The following CARD14 variants were observed in gnomAD, a reference collection of about 807,000 sequenced individuals.
CARD14 encodes the protein caspase recruitment domain-containing protein 14.
Under a neutral mutation model 111.5 loss-of-function variants are expected in CARD14, and 107 were observed. The ratio of observed to expected loss-of-function variants is 0.96; its 90% CI spans 0.82 to 1.13. The LOEUF (loss-of-function observed/expected upper bound fraction) is 1.13. CARD14 is among the 50% of genes most tolerant of loss of function. The pLI is 0.00. For missense variants in CARD14, 1,322 were observed against 1,362.3 expected (o/e 0.97, Z 0.47); for synonymous variants, 617 against 579.6 (o/e 1.06, Z -0.93).
At chr17:80,170,537 A>G (rs2039870554) in intron 1 of CARD14, 1 of 151,978 alleles carries the variant, frequency 6.6e-6, no homozygotes, top group Non-Finnish European at 1.5e-5. Flanking sequence ...CCCATGGGGT[A>G]TGTACATGTG....
At position 80,182,106 on chromosome 17, in the gene CARD14, T is replaced by C. The variant is rs1399361043; in HGVS notation, c.211+457T>C. Among the ~76,000 whole-genome samples the C allele has an allele frequency of 6.6e-6, 1 of 152,238 alleles. No homozygotes were observed. The highest frequency in any genetic ancestry group is 6.5e-5 in the Admixed American group (1 of 15,290). ...GTAGCTGTCAACATGATAATGTTCA[T>C]GCATGTTGGCGTACGAACCCCAAAC... On this transcript the variant is annotated intron_variant, in intron 5 of 23. Coordinates refer to ENST00000648509, the MANE Select transcript of CARD14 (RefSeq NM_001366385.1). This position sits in a 1 kb window ranked among gnomAD's most constrained non-coding sequence, Gnocchi z 4.7.
chr17:80,201,311 G>A lies in CARD14; in HGVS notation c.1852-433G>A, dbSNP rs141566525. On this transcript the variant is annotated intron_variant, in intron 16 of 23. Transcript: ENST00000648509. The surrounding 1 kb of genome is among the most constrained non-coding windows in gnomAD (Gnocchi z 5.0). ...GCTGTGGGTGGAGAGCCAGGGCATC[G>A]GGTAGGTGAAGGCCAGGGATGCCAC... The A allele has an allele frequency of 1.8e-3, 304 of 169,464 alleles. 2 individuals carry two copies. Among genetic ancestry groups the A allele is most frequent in the African/African-American group, 6.8e-3 (282 of 41,592 alleles). The allele number at this position is 169,464 out of a possible 1,614,324, so 10.5% of individuals were successfully genotyped here.
chr17:80,204,980 G>A (rs1362582399), intron 20 of CARD14, 55 bp from the exon 21 acceptor site: 1 of 1,450,110 alleles, frequency 6.9e-7, no homozygotes, highest in Non-Finnish European at 9.2e-7. Flanking sequence ...GGGCAGGGTA[G>A]GCTGGCTGGG....
At chr17:80,192,696 G>T in intron 12 of CARD14, 77 bp downstream of exon 12, 1 of 983,662 alleles carries the variant, frequency 1.0e-6, no homozygotes, top group South Asian at 1.4e-5. Flanking sequence ...CAGGACGAAA[G>T]TGAGCCTCCT....
rs1399814000 is a variant in CARD14, at chr17:80,203,764, C to G, written c.2220-58C>G. The stretch of plus-strand genomic sequence containing the variant: ...CCCACTCTCCCCTGCTCGGCTCTCC[C>G]CTGCCCTGCTCACCTGGCAGGAGGC... On this transcript the variant is annotated intron_variant, in intron 18 of 23. Coordinates refer to ENST00000648509, the MANE Select transcript of CARD14 (RefSeq NM_001366385.1). This position sits in a 1 kb window ranked among gnomAD's most constrained non-coding sequence, Gnocchi z 4.6. 4.4e-5 allele frequency: 63 copies of G among 1,425,122 alleles called. No individual in the cohort carries two copies. Among genetic ancestry groups the G allele is most frequent in the Non-Finnish European group, 5.7e-5 (59 of 1,035,004 alleles). The allele number at this position is 1,425,122 out of a possible 1,614,324, so 88.3% of individuals were successfully genotyped here.
intron 4 of CARD14, among the ~76,000 whole-genome samples, chr17:80,180,529 C>T (rs1426503598): frequency 6.6e-6 from 1 of 152,200 alleles, no homozygotes; most frequent in Non-Finnish European, 1.5e-5. Flanking sequence ...CTGTCCTGGG[C>T]CGCTGCAAAC....
At position 80,203,905 on chromosome 17, in the gene CARD14, C is replaced by T; in HGVS notation, c.2283+20C>T. 6.3e-7 allele frequency: 1 copy of T among 1,580,156 alleles called. No individual in the cohort carries two copies. The highest frequency in any genetic ancestry group is 8.6e-7 in the Non-Finnish European group (1 of 1,162,496). ...CGCAAGGTGAGGCTCCAGGGAGGGG[C>T]CTGGACCCCACTGGGGTGGGCTGGA... On this transcript the variant is annotated intron_variant, in intron 19 of 23. Coordinates refer to ENST00000648509, the MANE Select transcript of CARD14 (RefSeq NM_001366385.1). This position sits in a 1 kb window ranked among gnomAD's most constrained non-coding sequence, Gnocchi z 4.6.
rs144207494 is a variant in CARD14 at position 80,189,869 on chromosome 17, G to T, written c.960G>T (p.Glu320Asp). Residue 320 changes from glutamate to aspartate, a missense_variant, in exon 9 of 24, where the codon GAG becomes GAT. Coordinates refer to ENST00000648509, the MANE Select transcript of CARD14 (RefSeq NM_001366385.1). The surrounding 1 kb of genome is among the most constrained non-coding windows in gnomAD (Gnocchi z 4.7). ...CCGTGGCTGCCGAGAGGCAGCGAGA[G>T]CAGGTGCCGTGTGAGCCCTTCCTCC... ...ERAVAAERQR[E>D]QYWEEKEQTL... 2 of 1,595,818 alleles carry T rather than the reference G, an allele frequency of 1.3e-6. No individual in the cohort carries two copies. The highest frequency in any genetic ancestry group is 8.5e-7 in the Non-Finnish European group (1 of 1,172,940).
At position 80,208,117 on chromosome 17, in the gene CARD14, C is replaced by T. The variant is rs772367503; in HGVS notation, c.2808-21C>T. The stretch of plus-strand genomic sequence containing the variant: ...CCTTGCTCTCCCCTGAGCCCGCCCC[C>T]CCCAACTCTGGCCTGTGCAGGAAGG... On this transcript the variant is annotated intron_variant, in intron 23 of 23. Transcript: ENST00000648509. 2.0e-6 allele frequency: 3 copies of T among 1,501,186 alleles called. No homozygotes were observed. The South Asian group carries it at 3.8e-5, about 19-fold the overall frequency. The allele number at this position is 1,501,186 out of a possible 1,614,324, so 93.0% of individuals were successfully genotyped here.
Position 80,189,801 on chromosome 17 carries a change from C to A in CARD14, c.892C>A (p.Arg298=), listed in dbSNP as rs772958714. Residue 298 remains arginine, a synonymous_variant, in exon 9 of 24, where the codon CGA becomes AGA. Coordinates refer to ENST00000648509, the MANE Select transcript of CARD14 (RefSeq NM_001366385.1). This position sits in a 1 kb window ranked among gnomAD's most constrained non-coding sequence, Gnocchi z 4.7. ...GAGCCTGGACGAGGCGCGGGGGAGC[C>A]GACAGGAGCTGGTGGAGCGCATCCA... ...EQSLDEARGS[R]QELVERIHSL... 1 of 1,583,882 alleles carries A rather than the reference C, an allele frequency of 6.3e-7. No individual in the cohort carries two copies. Among genetic ancestry groups the A allele is most frequent in the Non-Finnish European group, 8.5e-7 (1 of 1,169,876 alleles).
intron 20 of CARD14, chr17:80,204,679 C>T (rs2041183201): frequency 2.6e-6 from 1 of 381,736 alleles, no homozygotes; most frequent in Non-Finnish European, 4.7e-6. Context: ...GGGCTAGGAC[C>T]CTGTGCCCTG....
At chr17:80,180,978 G>A (rs2040153572) in intron 4 of CARD14, among the ~76,000 whole-genome samples, 1 of 151,924 alleles carries the variant, frequency 6.6e-6, no homozygotes, top group Non-Finnish European at 1.5e-5. Context: ...TGCCAGGCTG[G>A]TCTCGAACTC....
At chr17:80,183,336 C>CA (rs984221254) in intron 6 of CARD14, among the ~76,000 whole-genome samples, 1 of 152,196 alleles carries the variant, frequency 6.6e-6, no homozygotes, top group Non-Finnish European at 1.5e-5. Flanking sequence ...TCACACGACC[C>CA]AAAACAGTGG....
rs368565321 is a variant in CARD14, at chr17:80,181,597, C to A, written c.159C>A (p.Asp53Glu). Reference sequence around the variant, plus strand: ...AGGCCAAGGTGCTGTGCCAGCTGGACGAGGAGGAGGTGCTGCACAGCCCCC... The same window carrying A: ...AGGCCAAGGTGCTGTGCCAGCTGGAAGAGGAGGAGGTGCTGCACAGCCCCC... Reference protein sequence around the residue: ...LRQAKVLCQLDEEEVLHSPRL... With the variant: ...LRQAKVLCQLEEEEVLHSPRL... Residue 53 changes from aspartate to glutamate, a missense_variant, in exon 5 of 24, where the codon GAC becomes GAA. Coordinates refer to ENST00000648509, the MANE Select transcript of CARD14 (RefSeq NM_001366385.1). The A allele has an allele frequency of 1.9e-6, 3 of 1,559,790 alleles. No homozygotes were observed. In the Admixed American group the frequency reaches 5.7e-5, roughly 30 times the overall value.
In CARD14 at chr17:80,189,935, G is replaced by C. The variant is rs1169552351; in HGVS notation, c.963+63G>C. On this transcript the variant is annotated intron_variant, in intron 9 of 23. Transcript: ENST00000648509. This position sits in a 1 kb window ranked among gnomAD's most constrained non-coding sequence, Gnocchi z 4.7. Reference sequence around the variant, plus strand: ...GGGCTTGTCTCAGGGGTGCGGACAGGTCTGTGGGGAAGCCAGATTCCTTCA... The same window carrying C: ...GGGCTTGTCTCAGGGGTGCGGACAGCTCTGTGGGGAAGCCAGATTCCTTCA... 5.2e-6 allele frequency: 8 copies of C among 1,532,970 alleles called. No homozygotes were observed. The Admixed American group carries it at 1.9e-4, about 37-fold the overall frequency. 95.0% of individuals were successfully genotyped at this position (1,532,970 alleles called of 1,614,324 possible). A position where few individuals can be genotyped will look rare whatever the true frequency, so the allele number is the denominator to read the frequency against.
rs774274629 is a variant in CARD14, at chr17:80,187,750, G to A, written c.676-627G>A. The stretch of plus-strand genomic sequence containing the variant: ...TCCCCAGGGCTGCCACACCCAGGAC[G>A]GGAAGAGGGCGGGCCCGTGGCTCGA... On this transcript the variant is annotated intron_variant, in intron 7 of 23. Transcript: ENST00000648509. 356 of 985,366 alleles carry A rather than the reference G, an allele frequency of 3.6e-4. 1 individual carries two copies. The highest frequency in any genetic ancestry group is 4.0e-4 in the Non-Finnish European group (336 of 830,022). The allele number at this position is 985,366 out of a possible 1,614,324, so 61.0% of individuals were successfully genotyped here.
chr17:80,190,754 A>C lies in CARD14; in HGVS notation c.964-20A>C. 6.2e-7 allele frequency: 1 copy of C among 1,613,712 alleles called. No individual in the cohort carries two copies. Among genetic ancestry groups the C allele is most frequent in the Non-Finnish European group, 8.5e-7 (1 of 1,179,800 alleles). On this transcript the variant is annotated intron_variant, in intron 9 of 23. Coordinates refer to ENST00000648509, the MANE Select transcript of CARD14 (RefSeq NM_001366385.1). ...TCAGAGCTGCTGAGCTTCACGGTCC[A>C]TGTGTCCCACTCTGTCCAGTACTGG... is the stretch of plus-strand genomic sequence containing the variant.
intron 4 of CARD14, among the ~76,000 whole-genome samples, chr17:80,180,602 A>G (rs1177141722): frequency 6.6e-6 from 1 of 152,070 alleles, no homozygotes; most frequent in Non-Finnish European, 1.5e-5. Context: ...TTTTAGACAG[A>G]GTCTTGCTCT....
intron 22 of CARD14, among the ~76,000 whole-genome samples, chr17:80,206,335 C>T (rs2041304767): frequency 1.7e-5 from 2 of 120,848 alleles, no homozygotes; most frequent in South Asian, 2.7e-4. Context: ...AGAAAGTAGC[C>T]GGGCACAGTG....
Sources: allele counts gnomAD v4.1 joint callset (sites outside exome capture counted in the v4.1 genomes callset), GRCh38; gene constraint gnomAD v4.1.1; non-coding constraint Gnocchi (gnomAD v3.1); transcripts MANE v1.5; gene names NCBI Gene and HGNC (gene_info 2026-07-23, HGNC 2026-07-21).